NES: variants seen among roughly 807,000 people sequenced by gnomAD.
NES encodes the protein nestin.
In NES, 27 loss-of-function variants were observed where a neutral mutation model predicts 35.6. The observed-to-expected ratio is 0.76, with a 90% CI of 0.56 to 1.04. The LOEUF (loss-of-function observed/expected upper bound fraction) is 1.04, where lower values mean the gene tolerates loss of function less well. Ranked by LOEUF, NES falls within the 50% of genes least tolerant of loss-of-function variation. NES has a pLI of 0.00. For synonymous variants in NES, 822 were observed against 824.2 expected (o/e 1.00, Z 0.04); for missense variants, 1,867 against 1,983.6 (o/e 0.94, Z 1.12).
rs760029425 is a variant in NES, at chr1:156,669,823, C to T, written c.4365G>A (p.Gly1455=). Residue 1455 remains glycine (G), a synonymous_variant, in exon 4 of 4, where the codon GGG becomes GGA. Coordinates refer to ENST00000368223, the MANE Select transcript of NES (RefSeq NM_006617.2). ...TCACAGAATCAGACTCCAGGAATTC[C>T]CCTCTCTGGGAGCTACTCAGGGCCT... The part of the protein sequence containing the change: ...SLQALSSSQR[G]EFLESDSVSV... 1.1e-5 allele frequency: 18 copies of T among 1,613,892 alleles called. No homozygotes were observed. Among genetic ancestry groups the T allele is most frequent in the Middle Eastern group, 1.6e-4 (1 of 6,084 alleles).
intron 2 of NES, among the ~76,000 whole-genome samples, chr1:156,674,232 C>T (rs747240783): frequency 1.3e-5 from 2 of 151,950 alleles, no homozygotes; most frequent in South Asian, 2.1e-4. Context: ...CCTTCCTCAG[C>T]GCCCCTTGAA....
Position 156,669,943 on chromosome 1 carries a change from C to T in NES, c.4245G>A (p.Glu1415=). 1 of 1,613,298 alleles carries T rather than the reference C, an allele frequency of 6.2e-7. No individual in the cohort carries two copies. The highest frequency in any genetic ancestry group is 8.5e-7 in the Non-Finnish European group (1 of 1,179,680). ...CCTCTCCCTCCTCCCCACTTTCTTCCTCATCTGCAAACCCATCGGACTCCC... is the reference window on the plus strand; with the variant it reads ...CCTCTCCCTCCTCCCCACTTTCTTCTTCATCTGCAAACCCATCGGACTCCC... ...RDGESDGFAD[E]EESGEEGEED... Residue 1415 remains glutamate, a synonymous_variant, in exon 4 of 4, where the codon GAG becomes GAA. Transcript: ENST00000368223.
At chr1:156,675,804 C>T (rs1647268973) in intron 1 of NES, among the ~76,000 whole-genome samples, 1 of 152,126 alleles carries the variant, frequency 6.6e-6, no homozygotes, top group Non-Finnish European at 1.5e-5. Flanking sequence ...GTCTCCTGCT[C>T]CTCACAGCAG....
intron 3 of NES, 99 bp downstream of exon 3, chr1:156,673,355 C>T (rs532994452): frequency 3.9e-5 from 53 of 1,364,510 alleles, no homozygotes; most frequent in South Asian, 1.3e-4. Context: ...CTGGAGGCCA[C>T]GGACTTGAAA....
At position 156,671,400 on chromosome 1, in the gene NES, C is replaced by T. The variant is rs1248867779; in HGVS notation, c.2788G>A (p.Glu930Lys). The change falls in exon 4 of 4, where the codon GAG becomes AAG. Residue 930 changes from glutamate to lysine, a missense_variant. By Grantham distance (56) the Glu-to-Lys change is moderately conservative. Transcript: ENST00000368223. Reference protein sequence around the residue: ...EENLGKGEYQESLRSLEEEGQ... With the variant: ...EENLGKGEYQKSLRSLEEEGQ... ...TCCTCCTCCAGAGACCTCAGTGACT[C>T]TTGGTACTCTCCCTTTCCCAGGTTC... The T allele has an allele frequency of 2.5e-6, 4 of 1,614,030 alleles. No individual in the cohort carries two copies. The highest frequency in any genetic ancestry group is 2.5e-6 in the Non-Finnish European group (3 of 1,180,028).
chr1:156,669,838 AC>A lies in NES; in HGVS notation c.4349del (p.Ser1450IlefsTer14), dbSNP rs1421187305. The A allele has an allele frequency of 6.2e-7, 1 of 1,613,552 alleles. No individual in the cohort carries two copies. On this transcript the variant is annotated frameshift_variant, in exon 4 of 4. Transcript: ENST00000368223. LOFTEE classifies it low-confidence loss of function (END_TRUNC). Reference sequence around the variant, plus strand: ...CCAGGAATTCCCCTCTCTGGGAGCTACTCAGGGCCTGGAGGCTGCCAACAGA... The same window carrying A: ...CCAGGAATTCCCCTCTCTGGGAGCTATCAGGGCCTGGAGGCTGCCAACAGA... ...GSSVGSLQAL[S>X]SSQRGEFLES...
rs1305565234 is a variant in NES, at chr1:156,672,262, A to G, written c.1926T>C (p.Asn642=). 6.2e-6 allele frequency: 10 copies of G among 1,601,586 alleles called. No individual in the cohort carries two copies. The highest frequency in any genetic ancestry group is 8.5e-6 in the Non-Finnish European group (10 of 1,176,012). The change falls in exon 4 of 4, where the codon AAT becomes AAC. Residue 642 remains asparagine, a synonymous_variant. Coordinates refer to ENST00000368223, the MANE Select transcript of NES (RefSeq NM_006617.2). ...TTCCTGGAAATAAAAATGTCTCTAG[A>G]TTACCTTCAAGAGATTTCATTAGTT... ...NQELMKSLEG[N]LETFLFPGTE...
chr1:156,676,807 G>C lies in NES; in HGVS notation c.458C>G (p.Ala153Gly). 1 of 1,415,066 alleles carries C rather than the reference G, an allele frequency of 7.1e-7. No individual in the cohort carries two copies. Among genetic ancestry groups the C allele is most frequent in the Non-Finnish European group, 9.1e-7 (1 of 1,097,722 alleles). The allele number at this position is 1,415,066 out of a possible 1,614,324, so 87.7% of individuals were successfully genotyped here. ...AHEEERVGLN[A>G]QAACAPRCPA... ...GCAGCGGGGGGCACAGGCAGCCTGC[G>C]CGTTCAGGCCGACGCGCTCCTCCTC... Residue 153 changes from alanine (A) to glycine (G), a missense_variant, in exon 1 of 4, where the codon GCG (alanine) becomes GGG (glycine). Transcript: ENST00000368223. The surrounding 1 kb of genome is among the most constrained non-coding windows in gnomAD (Gnocchi z 5.3).
chr1:156,675,468 ACCCCCGCCTCCCCTACCC>A, intron 1 of NES, 128 bp from the exon 2 acceptor site: 3 of 1,089,656 alleles, frequency 2.8e-6, no homozygotes, highest in Non-Finnish European at 3.8e-6. Context: ...TGTGTAGCAG[ACCCCCGCCTCCCCTACCC>A]TATTCCCTGC....
chr1:156,671,817 G>T lies in NES; in HGVS notation c.2371C>A (p.Leu791Ile), dbSNP rs77202633. 1.4e-3 allele frequency: 2,265 copies of T among 1,614,078 alleles called. 47 individuals carry two copies. The East Asian group carries it at 0.044, about 32-fold the overall frequency. ...EKVDLEPLKS[L>I]DQEIARPLEN... ...AGAGGTCTAGCTATCTCCTGGTCAA[G>T]AGACTTCAGTGGTTCTAGATCCACT... Residue 791 changes from leucine to isoleucine, a missense_variant, in exon 4 of 4, where the codon CTT becomes ATT. By Grantham distance (5) the Leu-to-Ile change is conservative. Coordinates refer to ENST00000368223, the MANE Select transcript of NES (RefSeq NM_006617.2).
Position 156,672,605 on chromosome 1 carries a change from T to A in NES, c.1583A>T (p.Asp528Val). 1.9e-6 allele frequency: 3 copies of A among 1,613,838 alleles called. No individual in the cohort carries two copies. The highest frequency in any genetic ancestry group is 1.7e-6 in the Non-Finnish European group (2 of 1,179,968). ...GTCCTGGATTTCCTTCCTGTTTAGA[T>A]CCTCTTCTTCCCATATTTCCTGCTG... ...SLQQEIWEEE[D>V]LNRKEIQDSQ... The change falls in exon 4 of 4, where the codon GAT becomes GTT. Residue 528 changes from aspartate to valine, a missense_variant. Asp to Val is a radical substitution (Grantham distance 152). Coordinates refer to ENST00000368223, the MANE Select transcript of NES (RefSeq NM_006617.2).
intron 2 of NES, among the ~76,000 whole-genome samples, chr1:156,674,537 T>C (rs1679800314): frequency 6.6e-6 from 1 of 152,182 alleles, no homozygotes; most frequent in African/African-American, 2.4e-5. Flanking sequence ...GCCCCATCAA[T>C]GGCCCCTCAG....
chr1:156,676,627 CG>C lies in NES; in HGVS notation c.637del (p.Arg213GlyfsTer139). The C allele has an allele frequency of 6.5e-7, 1 of 1,537,602 alleles. No homozygotes were observed. The highest frequency in any genetic ancestry group is 8.7e-7 in the Non-Finnish European group (1 of 1,155,072). ...GCCCTCGCGGGCACCCTGCACCGCC[CG>C]GCCCAGCCGCTCGCGGGCCTGGCCC... ...SLGQARERLG[R>X]AVQGAREGRL... On this transcript the variant is annotated frameshift_variant, in exon 1 of 4. Coordinates refer to ENST00000368223, the MANE Select transcript of NES (RefSeq NM_006617.2). LOFTEE classifies it high-confidence loss of function. This position sits in a 1 kb window ranked among gnomAD's most constrained non-coding sequence, Gnocchi z 5.3.
rs1223819571 is a variant in NES, at chr1:156,676,940, C to A, written c.325G>T (p.Val109Leu). The change falls in exon 1 of 4, where the codon GTA becomes TTA. Residue 109 changes from valine to leucine, a missense_variant. Val to Leu is a conservative substitution (Grantham distance 32, BLOSUM62 1). Coordinates refer to ENST00000368223, the MANE Select transcript of NES (RefSeq NM_006617.2). This position sits in a 1 kb window ranked among gnomAD's most constrained non-coding sequence, Gnocchi z 5.3. ...RLARERTTEE[V>L]ARNRRAVEAE... Reference sequence around the variant, plus strand: ...TCGACGGCGCGCCGGTTGCGGGCTACCTCCTCCGTCGTCCGCTCCCGGGCC... The same window carrying A: ...TCGACGGCGCGCCGGTTGCGGGCTAACTCCTCCGTCGTCCGCTCCCGGGCC... 1 of 1,554,260 alleles carries A rather than the reference C, an allele frequency of 6.4e-7. No individual in the cohort carries two copies. Among genetic ancestry groups the A allele is most frequent in the Non-Finnish European group, 8.6e-7 (1 of 1,158,218 alleles).
rs140202258 is a variant in NES at position 156,670,672 on chromosome 1, C to G, written c.3516G>C (p.Arg1172Ser). 1 of 1,613,976 alleles carries G rather than the reference C, an allele frequency of 6.2e-7. No individual in the cohort carries two copies. The highest frequency in any genetic ancestry group is 8.5e-7 in the Non-Finnish European group (1 of 1,179,960). Residue 1172 changes from arginine to serine, a missense_variant, in exon 4 of 4, where the codon AGG (arginine) becomes AGC (serine). Transcript: ENST00000368223. ...TGGGGGCCTCAGCCTCTGACTCCTC[C>G]CTACCCTCCCTGGGAGGCTCCCAAG... Reference protein sequence around the residue: ...RDPWEPPREGREESEAEAPRG... With the variant: ...RDPWEPPREGSEESEAEAPRG...
In NES at chr1:156,670,061, GC is replaced by G; in HGVS notation, c.4126del (p.Ala1376HisfsTer74). On this transcript the variant is annotated frameshift_variant, in exon 4 of 4. Coordinates refer to ENST00000368223, the MANE Select transcript of NES (RefSeq NM_006617.2). LOFTEE classifies it low-confidence loss of function (END_TRUNC). ...SEEFEDLGTE[A>X]PFLPGVPGEV... is the part of the protein sequence containing the mutation. ...CCCAGGGACCCCAGGAAGAAAAGGTGCCTCAGTCCCCAGGTCCTCAAATTCT... is the reference window on the plus strand; with the variant it reads ...CCCAGGGACCCCAGGAAGAAAAGGTGCTCAGTCCCCAGGTCCTCAAATTCT... 1 of 1,614,036 alleles carries G rather than the reference GC, an allele frequency of 6.2e-7. No homozygotes were observed. Among genetic ancestry groups the G allele is most frequent in the Non-Finnish European group, 8.5e-7 (1 of 1,179,982 alleles).
chr1:156,672,219 C>A lies in NES; in HGVS notation c.1969G>T (p.Val657Leu). Residue 657 changes from valine to leucine, a missense_variant, in exon 4 of 4, where the codon GTA (valine) becomes TTA (leucine). Physicochemically the swap from Val to Leu is conservative, Grantham distance 32. Coordinates refer to ENST00000368223, the MANE Select transcript of NES (RefSeq NM_006617.2). ...TCTAAGTTCTCTTGCAGAGAACTTA[C>A]TAATTCTTGATTTTCCGTTCCTGGA... ...LFPGTENQEL[V>L]SSLQENLESL... 3.1e-6 allele frequency: 5 copies of A among 1,601,096 alleles called. No homozygotes were observed. The highest frequency in any genetic ancestry group is 4.3e-6 in the Non-Finnish European group (5 of 1,176,310).
intron 2 of NES, among the ~76,000 whole-genome samples, chr1:156,674,777 G>A (rs1179514599): frequency 3.3e-5 from 5 of 152,202 alleles, no homozygotes; most frequent in Admixed American, 6.5e-5. Flanking sequence ...GCCCCTAGAC[G>A]AGGCTGAGGC....
intron 2 of NES, 136 bp from the exon 3 acceptor site, chr1:156,673,663 CA>C: frequency 1.7e-6 from 1 of 588,202 alleles, no homozygotes; most frequent in Non-Finnish European, 3.1e-6. Context: ...CACTGTCACA[CA>C]AAAGCCACAC....
Sources: gnomAD v4.1 joint callset for allele counts (sites outside exome capture counted in the v4.1 genomes callset) on GRCh38, gnomAD v4.1.1 for gene constraint, Gnocchi (gnomAD v3.1) non-coding constraint, MANE v1.5 for transcripts, NCBI Gene and HGNC (gene_info 2026-07-23, HGNC 2026-07-21) for gene names.